SPATA7: variants seen among roughly 807,000 people sequenced by gnomAD.
The protein encoded by SPATA7 is spermatogenesis associated 7, also known as spermatogenesis-associated protein 7.
Under a neutral mutation model 51.8 loss-of-function variants are expected in SPATA7, and 43 were observed. That is an observed-to-expected ratio of 0.83 (90% CI 0.65 to 1.07). SPATA7 has a LOEUF of 1.07. Ranked by LOEUF, SPATA7 falls within the 50% of genes least tolerant of loss-of-function variation. The pLI is 0.00. For synonymous variants in SPATA7, 230 were observed against 252.8 expected (o/e 0.91, Z 0.86); for missense variants, 683 against 701.3 (o/e 0.97, Z 0.30).
At chr14:88,429,043 C>A (rs2076869263) in intron 7 of SPATA7, 1 of 218,192 alleles carries the variant, frequency 4.6e-6, no homozygotes, top group East Asian at 1.2e-4. Context: ...AGATTTTGTT[C>A]CCTCAAACTT....
At chr14:88,426,116 A>G in intron 5 of SPATA7, 116 bp from the exon 6 acceptor site, 9 of 739,234 alleles carry the variant, frequency 1.2e-5, no homozygotes, top group Non-Finnish European at 2.2e-5. Context: ...CTTCAGGAAC[A>G]TATCAGTTAA....
intron 10 of SPATA7, among the ~76,000 whole-genome samples, chr14:88,437,098 C>T (rs1001217053): frequency 4.0e-5 from 6 of 149,952 alleles, no homozygotes; most frequent in African/African-American, 1.2e-4. Context: ...TGTCCTTTTC[C>T]ATTTTGTTCA....
At chr14:88,390,098 A>T (rs535068008) in intron 1 of SPATA7, among the ~76,000 whole-genome samples, 1 of 152,308 alleles carries the variant, frequency 6.6e-6, no homozygotes. Flanking sequence ...AATTACCCTC[A>T]TCTATAAAGT....
At chr14:88,419,493 A>T in intron 5 of SPATA7, among the ~76,000 whole-genome samples, 3 of 135,524 alleles carry the variant, frequency 2.2e-5, no homozygotes, top group South Asian at 2.3e-4. Flanking sequence ...TTAGGTTAGT[A>T]TTTGGTGGGT....
At chr14:88,466,397 C>T (rs963678009) in intron 4 of SPATA7, 1 of 152,088 alleles carries the variant, frequency 6.6e-6, no homozygotes, top group African/African-American at 2.4e-5. Flanking sequence ...CAGAGTTAGG[C>T]TGGTGCACAC....
chr14:88,385,940 C>T, intron 1 of SPATA7, 103 bp downstream of exon 1: 1 of 1,530,714 alleles, frequency 6.5e-7, no homozygotes, highest in Non-Finnish European at 8.8e-7. Context: ...CCCCTTGGGG[C>T]GCTTCCTACC....
At chr14:88,465,403 G>T (rs2140067497) in intron 4 of SPATA7, among the ~76,000 whole-genome samples, 1 of 152,264 alleles carries the variant, frequency 6.6e-6, no homozygotes, top group South Asian at 2.1e-4. Flanking sequence ...GGAGGCAGAG[G>T]TTGCAGTGAG....
In SPATA7 at chr14:88,469,213, C is replaced by CA; in HGVS notation, c.255-633dup. On this transcript the variant is annotated intron_variant, in intron 4 of 4. Coordinates refer to the SPATA7 transcript ENST00000556406. This position sits in a 1 kb window ranked among gnomAD's most constrained non-coding sequence, Gnocchi z 4.3. ...TGGGTGCCAGTGAACCAAACCCAAC[C>CA]ACAAAGGGACAGTGTGACCCTGAGC... 1.1e-6 allele frequency: 1 copy of CA among 927,958 alleles called. No homozygotes were observed. Among genetic ancestry groups the CA allele is most frequent in the South Asian group, 1.8e-5 (1 of 57,118 alleles). 57.5% of individuals were successfully genotyped at this position (927,958 alleles called of 1,614,324 possible).
intron 4 of SPATA7, among the ~76,000 whole-genome samples, chr14:88,464,023 T>C (rs1176219867): frequency 6.6e-6 from 1 of 152,026 alleles, no homozygotes; most frequent in African/African-American, 2.4e-5. Context: ...GTATTTTTAG[T>C]AGAGACGGGG....
intron 10 of SPATA7, among the ~76,000 whole-genome samples, chr14:88,436,617 G>A (rs2077095125): frequency 1.3e-5 from 2 of 152,026 alleles, no homozygotes; most frequent in African/African-American, 4.8e-5. Context: ...GAGAGATAGG[G>A]GTCTAGTTTC....
At chr14:88,411,499 G>A (rs1353678283) in intron 4 of SPATA7, among the ~76,000 whole-genome samples, 3 of 152,146 alleles carry the variant, frequency 2.0e-5, no homozygotes, top group Non-Finnish European at 2.9e-5. Context: ...CCTTGGTGGT[G>A]TAGGCACCTG....
At chr14:88,468,188 T>C (rs752034438) in intron 4 of SPATA7, 2 of 1,613,270 alleles carry the variant, frequency 1.2e-6, no homozygotes, top group East Asian at 2.2e-5. Context: ...TGTACACAAA[T>C]GTGTACTGGC....
At chr14:88,408,636 G>A (rs1194063165) in intron 4 of SPATA7, among the ~76,000 whole-genome samples, 11 of 152,052 alleles carry the variant, frequency 7.2e-5, no homozygotes, top group Admixed American at 1.3e-4. Context: ...CTAAACTTCC[G>A]TTACTGTGTT....
chr14:88,419,724 A>G (rs1222010536), intron 5 of SPATA7, among the ~76,000 whole-genome samples: 2 of 152,012 alleles, frequency 1.3e-5, no homozygotes, highest in East Asian at 3.9e-4. Flanking sequence ...ACGGGGTTCC[A>G]CCATGTTAGC....
chr14:88,443,898 G>T (rs1247686166), intron 3 of SPATA7, among the ~76,000 whole-genome samples: 2 of 152,122 alleles, frequency 1.3e-5, no homozygotes, highest in Non-Finnish European at 2.9e-5. Flanking sequence ...GGACATTTGG[G>T]TTGGTTCCAA....
intron 5 of SPATA7, among the ~76,000 whole-genome samples, chr14:88,421,158 T>C (rs948284551): frequency 3.3e-5 from 5 of 151,986 alleles, no homozygotes; most frequent in African/African-American, 1.2e-4. Context: ...ATAATAAATA[T>C]CTGATGTTTA....
downstream of SPATA7, among the ~76,000 whole-genome samples, chr14:88,441,915 T>C (rs2077180993): frequency 6.6e-6 from 1 of 152,228 alleles, no homozygotes; most frequent in South Asian, 2.1e-4. Context: ...ACACTTTGCC[T>C]AAGCCAGTGT....
At chr14:88,400,452 A>G (rs570605991) in intron 4 of SPATA7, among the ~76,000 whole-genome samples, 1 of 152,332 alleles carries the variant, frequency 6.6e-6, no homozygotes, top group South Asian at 2.1e-4. Context: ...GTAAATCCCT[A>G]GAAACATACA....
chr14:88,385,876 C>T (rs1042495008), intron 1 of SPATA7, 39 bp downstream of exon 1: 1 of 1,583,294 alleles, frequency 6.3e-7, no homozygotes, highest in East Asian at 2.3e-5. Flanking sequence ...CGCCTCGCCC[C>T]TCGCTCCAGG....
Sources: gnomAD v4.1 joint callset for allele counts (sites outside exome capture counted in the v4.1 genomes callset) on GRCh38, gnomAD v4.1.1 for gene constraint, Gnocchi (gnomAD v3.1) non-coding constraint, MANE v1.5 for transcripts, NCBI Gene and HGNC (gene_info 2026-07-23, HGNC 2026-07-21) for gene names.